APLF: variants seen among roughly 807,000 people sequenced by gnomAD.
APLF encodes the protein aprataxin and PNKP like factor, also known as aprataxin and PNK-like factor.
APLF carries 61 observed loss-of-function variants against 55.6 expected under a neutral mutation model. The ratio of observed to expected loss-of-function variants is 1.10; its 90% CI spans 0.89 to 1.36. The LOEUF is 1.36. APLF is among the 40% of genes most tolerant of loss of function. The pLI is 0.00. For missense variants in APLF, 611 were observed against 602.5 expected (o/e 1.01, Z -0.15); for synonymous variants, 207 against 214.8 (o/e 0.96, Z 0.32).
chr2:68,536,756 T>G (rs1670401289), intron 6 of APLF, among the ~76,000 whole-genome samples: 1 of 152,140 alleles, frequency 6.6e-6, no homozygotes, highest in South Asian at 2.1e-4. Context: ...TCCAAGTTGG[T>G]CAGAACATAG....
intron 2 of APLF, among the ~76,000 whole-genome samples, chr2:68,493,319 T>C (rs762132083): frequency 6.6e-6 from 1 of 152,000 alleles, no homozygotes; most frequent in Non-Finnish European, 1.5e-5. Flanking sequence ...GGGACAGTTA[T>C]CTGTTTGGAA....
intron 2 of APLF, among the ~76,000 whole-genome samples, chr2:68,491,412 A>T (rs1676355259): frequency 6.6e-6 from 1 of 152,186 alleles, no homozygotes; most frequent in African/African-American, 2.4e-5. Flanking sequence ...TATTTAATTA[A>T]TATTTGTTGA....
At chr2:68,553,719 G>A (rs1466196156) in intron 8 of APLF, among the ~76,000 whole-genome samples, 2 of 152,064 alleles carry the variant, frequency 1.3e-5, no homozygotes, top group East Asian at 3.8e-4. Flanking sequence ...AAGTAGAGTT[G>A]TGATAAGCCT....
At chr2:68,562,374 T>C (rs1558554174) in intron 8 of APLF, among the ~76,000 whole-genome samples, 1 of 152,070 alleles carries the variant, frequency 6.6e-6, no homozygotes, top group Non-Finnish European at 1.5e-5. Flanking sequence ...AAAAATGTAA[T>C]TGAAAACCAG....
At chr2:68,516,995 T>G (rs1276531734) in intron 5 of APLF, among the ~76,000 whole-genome samples, 3 of 124,694 alleles carry the variant, frequency 2.4e-5, no homozygotes, top group Non-Finnish European at 4.7e-5. Context: ...TATATAATAA[T>G]ATATGTTAAT....
chr2:68,567,779 T>C (rs967605018), intron 9 of APLF, among the ~76,000 whole-genome samples: 2 of 152,118 alleles, frequency 1.3e-5, no homozygotes, highest in African/African-American at 4.8e-5. Flanking sequence ...CCCAATTTTT[T>C]CCTTCATTCT....
intron 5 of APLF, among the ~76,000 whole-genome samples, chr2:68,518,690 C>T (rs1380622481): frequency 9.3e-6 from 1 of 107,852 alleles, no homozygotes; most frequent in Admixed American, 1.0e-4. Context: ...GAATATATAT[C>T]ATTAATATAT....
chr2:68,555,489 A>G lies in APLF; in HGVS notation c.1286+10177A>G, dbSNP rs180957491. Among the ~76,000 whole-genome samples the G allele has an allele frequency of 2.6e-5, 4 of 152,276 alleles. No homozygotes were observed. The East Asian group carries it at 7.7e-4, about 29-fold the overall frequency. On this transcript the variant is annotated intron_variant, in intron 8 of 9. Coordinates refer to ENST00000303795, the MANE Select transcript of APLF (RefSeq NM_173545.3). ...GAAAAAACAAGCAATCCAATCAAAA[A>G]GTAGGCTAAGGACATGAATAGACAA...
intron 6 of APLF, among the ~76,000 whole-genome samples, chr2:68,531,734 T>G (rs1018469684): frequency 6.6e-6 from 1 of 152,248 alleles, no homozygotes; most frequent in South Asian, 2.1e-4. Context: ...GAAATTATTG[T>G]GTTCAGAAGA....
chr2:68,533,456 C>T (rs1670312664), intron 6 of APLF, among the ~76,000 whole-genome samples: 1 of 152,120 alleles, frequency 6.6e-6, no homozygotes, highest in East Asian at 1.9e-4. Context: ...AAACAAGCTA[C>T]TCCAACTCTT....
intron 5 of APLF, among the ~76,000 whole-genome samples, chr2:68,516,640 T>A (rs1669585764): frequency 2.7e-5 from 4 of 150,590 alleles, no homozygotes; most frequent in Admixed American, 1.3e-4. Flanking sequence ...TCTCATGCCT[T>A]TGCATCCTTA....
intron 6 of APLF, among the ~76,000 whole-genome samples, chr2:68,536,834 A>G (rs75863586): frequency 0.031 from 4,732 of 152,208 alleles, 80 homozygotes; most frequent in Middle Eastern, 0.044. Flanking sequence ...TCATGATTAC[A>G]TTTAGAGGGC....
chr2:68,479,566 A>T (rs1675886308), intron 1 of APLF, among the ~76,000 whole-genome samples: 1 of 152,244 alleles, frequency 6.6e-6, no homozygotes, highest in Admixed American at 6.5e-5. Context: ...CAGCAGTGCC[A>T]GTTACCAAAC....
chr2:68,536,805 T>C (rs1670402739), intron 6 of APLF, among the ~76,000 whole-genome samples: 1 of 152,170 alleles, frequency 6.6e-6, no homozygotes, highest in Non-Finnish European at 1.5e-5. Flanking sequence ...AACAGTTTTG[T>C]CATTCAGCTA....
intron 2 of APLF, among the ~76,000 whole-genome samples, chr2:68,502,351 G>A (rs943197076): frequency 5.3e-5 from 8 of 151,994 alleles, no homozygotes; most frequent in Admixed American, 2.6e-4. Flanking sequence ...AGTGCATTTC[G>A]GATATGGAAG....
At chr2:68,543,483 T>C (rs1440344123) in intron 7 of APLF, among the ~76,000 whole-genome samples, 3 of 152,172 alleles carry the variant, frequency 2.0e-5, no homozygotes, top group African/African-American at 7.2e-5. Flanking sequence ...GTTGAAAAAC[T>C]GGAACTCTAA....
chr2:68,546,232 A>G (rs891092390), intron 8 of APLF, among the ~76,000 whole-genome samples: 1 of 152,126 alleles, frequency 6.6e-6, no homozygotes, highest in African/African-American at 2.4e-5. Context: ...AGAAACAGAT[A>G]CAATCAAAAA....
chr2:68,497,211 G>A (rs927099174), intron 2 of APLF, among the ~76,000 whole-genome samples: 1 of 152,098 alleles, frequency 6.6e-6, no homozygotes, highest in African/African-American at 2.4e-5. Context: ...AGGCAAAAGG[G>A]AAACCAGTAC....
chr2:68,564,422 G>A (rs1022762173), intron 8 of APLF, among the ~76,000 whole-genome samples: 2 of 152,012 alleles, frequency 1.3e-5, no homozygotes, highest in Non-Finnish European at 2.9e-5. Context: ...TTTAATACTT[G>A]CATTGTAGGA....
Sources: allele counts gnomAD v4.1 joint callset (sites outside exome capture counted in the v4.1 genomes callset), GRCh38; gene constraint gnomAD v4.1.1; transcripts MANE v1.5; gene names NCBI Gene and HGNC (gene_info 2026-07-23, HGNC 2026-07-21).